The following TENM2 variants were observed in gnomAD, a reference collection of about 807,000 sequenced individuals.
The protein encoded by TENM2 is teneurin transmembrane protein 2.
TENM2 carries 52 observed loss-of-function variants against 245.2 expected under a neutral mutation model. The ratio of observed to expected loss-of-function variants is 0.21; its 90% CI spans 0.17 to 0.27. The LOEUF is 0.27. TENM2 is among the 10% of genes least tolerant of loss of function. The pLI is 1.00. For synonymous variants in TENM2, 1,363 were observed against 1,438.9 expected (o/e 0.95, Z 1.19); for missense variants, 3,046 against 3,666.8 (o/e 0.83, Z 4.37).
the TENM2 span, among the ~76,000 whole-genome samples, chr5:167,088,562 G>A: frequency 2.0e-5 from 3 of 151,952 alleles, no homozygotes; most frequent in Admixed American, 6.6e-5. Flanking sequence ...GGGAGGCGGA[G>A]GTTGCAGTGA....
chr5:167,278,659 C>T, the TENM2 span, among the ~76,000 whole-genome samples: 1 of 152,068 alleles, frequency 6.6e-6, no homozygotes, highest in Non-Finnish European at 1.5e-5. Context: ...CTCCTTTCAT[C>T]ATTTTACTAG....
At chr5:167,034,200 T>C in the TENM2 span, among the ~76,000 whole-genome samples, 1 of 152,212 alleles carries the variant, frequency 6.6e-6, no homozygotes, top group Non-Finnish European at 1.5e-5. Context: ...TGTACGGGCT[T>C]GAGGCATGAT....
At chr5:167,156,942 T>C in the TENM2 span, among the ~76,000 whole-genome samples, 1 of 152,220 alleles carries the variant, frequency 6.6e-6, no homozygotes, top group Non-Finnish European at 1.5e-5. Flanking sequence ...GGGTGACCTG[T>C]TGTTTACATA....
intron 1 of TENM2, among the ~76,000 whole-genome samples, chr5:167,294,469 G>A (rs913934373): frequency 5.3e-5 from 8 of 152,114 alleles, no homozygotes; most frequent in African/African-American, 1.9e-4. Flanking sequence ...CAAGGAATAG[G>A]AAGGGGAAGA....
chr5:167,795,764 A>T (rs1249924363), intron 2 of TENM2, among the ~76,000 whole-genome samples: 1 of 152,238 alleles, frequency 6.6e-6, no homozygotes, highest in Non-Finnish European at 1.5e-5. Context: ...CCACACATAT[A>T]TAATCAGGGA....
intron 12 of TENM2, among the ~76,000 whole-genome samples, chr5:168,154,567 G>C (rs1301792282): frequency 6.6e-6 from 1 of 152,156 alleles, no homozygotes; most frequent in Non-Finnish European, 1.5e-5. Context: ...TGTTTTTACT[G>C]TTTTTACAAG....
intron 2 of TENM2, among the ~76,000 whole-genome samples, chr5:167,635,779 G>C (rs111596498): frequency 0.063 from 9,431 of 150,092 alleles, 317 homozygotes; most frequent in East Asian, 0.14. Context: ...CTAGTAGCTG[G>C]GACTACAGGC....
At chr5:167,167,841 G>A in the TENM2 span, among the ~76,000 whole-genome samples, 2 of 152,138 alleles carry the variant, frequency 1.3e-5, no homozygotes, top group African/African-American at 4.8e-5. Flanking sequence ...ATGAATGAGT[G>A]AATAATTGTC....
chr5:167,444,790 A>T (rs1582065146), intron 2 of TENM2, among the ~76,000 whole-genome samples: 1 of 152,162 alleles, frequency 6.6e-6, no homozygotes, highest in Non-Finnish European at 1.5e-5. Context: ...CTTTTGCAAT[A>T]AATGAGCATT....
chr5:167,966,580 G>A (rs1414904033), intron 4 of TENM2, among the ~76,000 whole-genome samples: 2 of 152,156 alleles, frequency 1.3e-5, no homozygotes, highest in African/African-American at 2.4e-5. Flanking sequence ...TTTGGAAATC[G>A]AGATTCAAGA....
chr5:167,977,876 C>T (rs908439028), intron 4 of TENM2, among the ~76,000 whole-genome samples: 4 of 152,028 alleles, frequency 2.6e-5, no homozygotes, highest in African/African-American at 9.7e-5. Context: ...GAATGTGATC[C>T]CCAATGTTGG....
chr5:167,825,286 G>A (rs552287180), intron 2 of TENM2, among the ~76,000 whole-genome samples: 1 of 151,104 alleles, frequency 6.6e-6, no homozygotes, highest in South Asian at 2.1e-4. Flanking sequence ...TAGTACATGG[G>A]TTTCTGCAGG....
At chr5:168,248,182 C>T (rs780696435) in exon 27 of TENM2, 2 of 1,614,042 alleles carry the variant, frequency 1.2e-6, no homozygotes, top group East Asian at 2.2e-5. Context: ...CCATGGGGGA[C>T]TCTATGACCC....
chr5:167,659,256 A>G (rs1044781195), intron 2 of TENM2, among the ~76,000 whole-genome samples: 1 of 152,230 alleles, frequency 6.6e-6, no homozygotes, highest in Non-Finnish European at 1.5e-5. Flanking sequence ...ATAAAGAGGA[A>G]AACAAATGAT....
chr5:167,173,009 G>A, the TENM2 span, among the ~76,000 whole-genome samples: 75 of 152,162 alleles, frequency 4.9e-4, 1 homozygote, highest in South Asian at 2.5e-3. Context: ...TACCACATCC[G>A]TTACCCAAAC....
intron 5 of TENM2, among the ~76,000 whole-genome samples, chr5:168,023,916 G>C (rs1465979327): frequency 1.3e-5 from 2 of 152,130 alleles, no homozygotes; most frequent in Non-Finnish European, 2.9e-5. Context: ...TGATCTCTCT[G>C]CTTTGTGATG....
chr5:167,279,618 TTC>T, the TENM2 span, among the ~76,000 whole-genome samples: 4 of 151,424 alleles, frequency 2.6e-5, no homozygotes, highest in South Asian at 8.4e-4. Context: ...TATTTGCAAG[TTC>T]TCTCATTCTT....
the TENM2 span, among the ~76,000 whole-genome samples, chr5:167,111,929 A>G: frequency 2.6e-5 from 4 of 152,294 alleles, no homozygotes; most frequent in South Asian, 4.1e-4. Flanking sequence ...CATTCGATTT[A>G]CTAATTTGTT....
At chr5:167,064,077 T>C in the TENM2 span, among the ~76,000 whole-genome samples, 2 of 152,176 alleles carry the variant, frequency 1.3e-5, no homozygotes, top group African/African-American at 4.8e-5. Context: ...GCATGTGGGC[T>C]GTTTGCCCAA....
Sources: gnomAD v4.1 joint callset for allele counts (sites outside exome capture counted in the v4.1 genomes callset) on GRCh38, gnomAD v4.1.1 for gene constraint, MANE v1.5 for transcripts, NCBI Gene and HGNC (gene_info 2026-07-23, HGNC 2026-07-21) for gene names.